PRKN: variants seen among roughly 807,000 people sequenced by gnomAD.
PRKN encodes the protein parkin RBR E3 ubiquitin protein ligase.
A neutral mutation model predicts 59.5 loss-of-function variants in PRKN; 56 were observed. That is an observed-to-expected ratio of 0.94 (90% CI 0.76 to 1.18). The LOEUF is 1.18. PRKN is among the 50% of genes most tolerant of loss of function. The pLI, the probability that PRKN is intolerant of heterozygous loss-of-function variation, is 0.00. For synonymous variants in PRKN, 250 were observed against 222.1 expected (o/e 1.13, Z -1.12); for missense variants, 657 against 596.4 (o/e 1.10, Z -1.06).
chr6:161,878,397 T>A (rs888616918), intron 6 of PRKN, among the ~76,000 whole-genome samples: 1 of 152,070 alleles, frequency 6.6e-6, no homozygotes, highest in East Asian at 1.9e-4. Flanking sequence ...TAGTGGCCCC[T>A]CCCAATCACC....
chr6:161,818,092 G>C (rs1444501940), intron 6 of PRKN, among the ~76,000 whole-genome samples: 1 of 152,178 alleles, frequency 6.6e-6, no homozygotes, highest in Non-Finnish European at 1.5e-5. Flanking sequence ...CAGCAACACA[G>C]AGTTATCAGG....
intron 9 of PRKN, among the ~76,000 whole-genome samples, chr6:161,424,394 G>A (rs568258630): frequency 6.6e-6 from 1 of 152,020 alleles, no homozygotes; most frequent in African/African-American, 2.4e-5. Context: ...AATCATGGGT[G>A]GGCCAGCTCT....
At chr6:161,439,488 T>C (rs1185202115) in intron 9 of PRKN, among the ~76,000 whole-genome samples, 2 of 152,220 alleles carry the variant, frequency 1.3e-5, no homozygotes, top group Admixed American at 6.5e-5. Flanking sequence ...CCCAAAGCTC[T>C]GTTTACAACC....
chr6:161,924,943 C>T lies in PRKN; in HGVS notation c.734+48359G>A, dbSNP rs546412535. ...CTCCACAAACAAGAACCACGGCTGCCCGTGGGGAGGCTGGGAACATGCCCA... is the reference window on the plus strand; with the variant it reads ...CTCCACAAACAAGAACCACGGCTGCTCGTGGGGAGGCTGGGAACATGCCCA... On this transcript the variant is annotated intron_variant, in intron 6 of 11. Transcript: ENST00000366898. 1.5e-4 allele frequency among the ~76,000 whole-genome samples: 23 copies of T among 152,284 alleles called. No homozygotes were observed. The South Asian group carries it at 4.8e-3, about 32-fold the overall frequency.
intron 1 of PRKN, among the ~76,000 whole-genome samples, chr6:162,475,720 AC>A (rs1791976591): frequency 1.3e-5 from 2 of 149,960 alleles, no homozygotes; most frequent in Non-Finnish European, 2.9e-5. Flanking sequence ...TTATTTATTT[AC>A]GCCTCTGGAA....
chr6:162,033,338 T>C (rs575975400), intron 5 of PRKN, among the ~76,000 whole-genome samples: 1 of 152,364 alleles, frequency 6.6e-6, no homozygotes, highest in South Asian at 2.1e-4. Flanking sequence ...TTTACTTTTA[T>C]ACTTTTATTT....
At chr6:161,474,352 C>T (rs934428129) in intron 9 of PRKN, among the ~76,000 whole-genome samples, 2 of 152,116 alleles carry the variant, frequency 1.3e-5, no homozygotes, top group African/African-American at 4.8e-5. Context: ...CCTCTTGTTT[C>T]CTATAAGATT....
chr6:162,282,102 C>A (rs145575645), intron 2 of PRKN, among the ~76,000 whole-genome samples: 12 of 152,322 alleles, frequency 7.9e-5, no homozygotes, highest in African/African-American at 2.9e-4. Flanking sequence ...CAGGTCCTCA[C>A]AGGCCACAGA....
intron 1 of PRKN, among the ~76,000 whole-genome samples, chr6:162,539,670 C>T (rs952177124): frequency 6.6e-6 from 1 of 152,126 alleles, no homozygotes; most frequent in African/African-American, 2.4e-5. Context: ...GGAACTAGAT[C>T]CTGATAGTGC....
chr6:162,347,027 AT>A (rs1281763561), intron 2 of PRKN, among the ~76,000 whole-genome samples: 2 of 150,744 alleles, frequency 1.3e-5, no homozygotes, highest in Non-Finnish European at 3.0e-5. Flanking sequence ...TGTCTTTAGT[AT>A]TTTTTTCTTG....
chr6:162,048,875 TAA>T (rs1445852301), intron 5 of PRKN, among the ~76,000 whole-genome samples: 2 of 152,160 alleles, frequency 1.3e-5, no homozygotes, highest in African/African-American at 4.8e-5. Flanking sequence ...ACAGAATAAC[TAA>T]AGTCTTATGC....
At chr6:161,627,805 C>T (rs1281591039) in intron 7 of PRKN, among the ~76,000 whole-genome samples, 1 of 152,226 alleles carries the variant, frequency 6.6e-6, no homozygotes, top group African/African-American at 2.4e-5. Context: ...ATTTCTGCTA[C>T]ATCACCTTGC....
chr6:162,259,589 G>A (rs931701067), intron 3 of PRKN, among the ~76,000 whole-genome samples: 5 of 152,212 alleles, frequency 3.3e-5, no homozygotes, highest in African/African-American at 1.2e-4. Flanking sequence ...TAGGCATACT[G>A]TTTGCATATA....
In PRKN at chr6:161,357,048, C is replaced by CTTTTTTTTT. The variant is rs35219002; in HGVS notation, c.1285+3031_1285+3039dup. Among the ~76,000 whole-genome samples the CTTTTTTTTT allele has an allele frequency of 8.6e-6, 1 of 115,610 alleles. No homozygotes were observed. Among genetic ancestry groups the CTTTTTTTTT allele is most frequent in the African/African-American group, 3.5e-5 (1 of 28,984 alleles). The allele number at this position is 115,610 out of a possible 152,430, so 75.8% of individuals were successfully genotyped here. The stretch of plus-strand genomic sequence containing the variant: ...CAGGTCCAGGTTCGCTGACCACTTC[C>CTTTTTTTTT]TTTTTTTTTTTTTTTTTTTTTGAGA... On this transcript the variant is annotated intron_variant, in intron 11 of 11. Coordinates refer to ENST00000366898, the MANE Select transcript of PRKN (RefSeq NM_004562.3). The surrounding 1 kb of genome is among the most constrained non-coding windows in gnomAD (Gnocchi z 5.5).
At chr6:161,655,439 C>T (rs1176780217) in intron 7 of PRKN, among the ~76,000 whole-genome samples, 5 of 122,446 alleles carry the variant, frequency 4.1e-5, no homozygotes, top group Admixed American at 8.0e-5. Flanking sequence ...ACCATTGGCA[C>T]GGGCCTGGCC....
intron 9 of PRKN, among the ~76,000 whole-genome samples, chr6:161,506,920 G>A (rs1285364002): frequency 1.3e-5 from 2 of 152,112 alleles, no homozygotes; most frequent in Admixed American, 6.5e-5. Flanking sequence ...AGGCTGCCAC[G>A]GAGCCAGGAG....
At chr6:161,416,339 T>C (rs1215949036) in intron 9 of PRKN, among the ~76,000 whole-genome samples, 1 of 152,052 alleles carries the variant, frequency 6.6e-6, no homozygotes, top group African/African-American at 2.4e-5. Flanking sequence ...CTCGGTCTGT[T>C]TTCCCCCGAG....
At chr6:162,088,125 A>C (rs1562505426) in intron 4 of PRKN, among the ~76,000 whole-genome samples, 2 of 152,184 alleles carry the variant, frequency 1.3e-5, no homozygotes, top group Non-Finnish European at 2.9e-5. Flanking sequence ...TATTATCCAC[A>C]GTCTCATAAT....
Position 161,647,838 on chromosome 6 carries a change from C to T in PRKN, c.872-78422G>A, listed in dbSNP as rs1159976773. Among the ~76,000 whole-genome samples the T allele has an allele frequency of 3.4e-5, 4 of 118,530 alleles. No individual in the cohort carries two copies. In the East Asian group the frequency reaches 8.1e-4, roughly 24 times the overall value. 77.8% of individuals were successfully genotyped at this position (118,530 alleles called of 152,430 possible). A position where few individuals can be genotyped will look rare whatever the true frequency, so the allele number is the denominator to read the frequency against. ...AATCATGTTTTAATTTTAATCCTTT[C>T]AGATAATTTATTAAAACAAAATAAG... On this transcript the variant is annotated intron_variant, in intron 7 of 11. Transcript: ENST00000366898.
Sources: gnomAD v4.1 joint callset for allele counts (sites outside exome capture counted in the v4.1 genomes callset) on GRCh38, gnomAD v4.1.1 for gene constraint, Gnocchi (gnomAD v3.1) non-coding constraint, MANE v1.5 for transcripts, NCBI Gene and HGNC (gene_info 2026-07-23, HGNC 2026-07-21) for gene names.